Variants in SCN10A observed in about 807,000 individuals in gnomAD.
SCN10A encodes the protein sodium voltage-gated channel alpha subunit 10.
Under a neutral mutation model 170.7 loss-of-function variants are expected in SCN10A, and 162 were observed. The ratio of observed to expected loss-of-function variants is 0.95; its 90% CI spans 0.84 to 1.08. SCN10A has a LOEUF of 1.08. Ranked by LOEUF, SCN10A falls within the 50% of genes least tolerant of loss-of-function variation. The pLI, the probability that SCN10A is intolerant of heterozygous loss-of-function variation, is 0.00. For missense variants in SCN10A, 2,527 were observed against 2,436.9 expected (o/e 1.04, Z -0.78); for synonymous variants, 985 against 904.6 (o/e 1.09, Z -1.59).
intron 5 of SCN10A, among the ~76,000 whole-genome samples, chr3:38,767,884 G>A (rs777474412): frequency 1.3e-5 from 2 of 152,004 alleles, no homozygotes; most frequent in Non-Finnish European, 2.9e-5. Context: ...CATTTCTTAG[G>A]TCTAGTAGTA....
chr3:38,794,612 C>G (rs1479853424), intron 1 of SCN10A, among the ~76,000 whole-genome samples: 1 of 152,148 alleles, frequency 6.6e-6, no homozygotes, highest in Admixed American at 6.5e-5. Flanking sequence ...AACACTTTTC[C>G]CCATAACCAG....
At chr3:38,786,617 T>G (rs1278682769) in intron 4 of SCN10A, among the ~76,000 whole-genome samples, 2 of 152,166 alleles carry the variant, frequency 1.3e-5, no homozygotes, top group African/African-American at 4.8e-5. Context: ...CCCCAGAACT[T>G]AAAGTAAAAT....
chr3:38,756,040 G>T (rs368807551), intron 10 of SCN10A, 82 bp from the exon 11 acceptor site: 1 of 1,469,180 alleles, frequency 6.8e-7, no homozygotes, highest in Non-Finnish European at 9.5e-7. Flanking sequence ...TGGGGTGCCA[G>T]GGGTGAGAGA....
In SCN10A at chr3:38,755,846, T is replaced by C. The variant is rs1415257347; in HGVS notation, c.1403A>G (p.Glu468Gly). The C allele has an allele frequency of 6.2e-7, 1 of 1,614,204 alleles. No homozygotes were observed. The highest frequency in any genetic ancestry group is 8.5e-7 in the Non-Finnish European group (1 of 1,180,038). ...TGATTTGTTGTCTTCTGTGGAGCCC[T>C]CTGACACTCTTGGCTTTATTCTATG... ...RRHRIKPRVS[E>G]GSTEDNKSPR... Residue 468 changes from glutamate (E) to glycine (G), a missense_variant, in exon 11 of 28, where the codon GAG becomes GGG. Physicochemically the swap from Glu to Gly is moderately conservative, Grantham distance 98. Coordinates refer to ENST00000449082, the MANE Select transcript of SCN10A (RefSeq NM_006514.4).
chr3:38,705,471 GT>G, intron 26 of SCN10A, among the ~76,000 whole-genome samples: 2 of 152,268 alleles, frequency 1.3e-5, no homozygotes, highest in East Asian at 3.9e-4. Flanking sequence ...TGGTGATTTT[GT>G]TGCAGGTCTT....
chr3:38,710,725 G>A, intron 24 of SCN10A, 119 bp downstream of exon 24: 1 of 910,876 alleles, frequency 1.1e-6, no homozygotes, highest in South Asian at 1.6e-5. Flanking sequence ...GACAGTGTGA[G>A]GTTGCTGGGT....
intron 1 of SCN10A, among the ~76,000 whole-genome samples, chr3:38,808,819 G>A (rs1293148416): frequency 6.6e-6 from 1 of 152,130 alleles, no homozygotes; most frequent in African/African-American, 2.4e-5. Flanking sequence ...ATGACTGAAG[G>A]GAAACTCAGT....
chr3:38,790,826 T>C (rs915313612), intron 3 of SCN10A, among the ~76,000 whole-genome samples: 1 of 152,130 alleles, frequency 6.6e-6, no homozygotes, highest in Non-Finnish European at 1.5e-5. Flanking sequence ...CTGATGATGG[T>C]ATTGACACTT....
At position 38,752,279 on chromosome 3, in the gene SCN10A, T is replaced by C; in HGVS notation, c.1695A>G (p.Gly565=). 1 of 1,597,774 alleles carries C rather than the reference T, an allele frequency of 6.3e-7. No homozygotes were observed. Among genetic ancestry groups the C allele is most frequent in the Non-Finnish European group, 8.5e-7 (1 of 1,171,950 alleles). ...TGGGCGGCGGTTGGTGTTCATCTTC[T>C]CCATGCCTGGAGTCAGGGTTGCTGG... ...PQPSNPDSRH[G]EDEHQPPPTS... The change falls in exon 12 of 28, where the codon GGA becomes GGG. Residue 565 remains glycine, a synonymous_variant. Coordinates refer to ENST00000449082, the MANE Select transcript of SCN10A (RefSeq NM_006514.4).
intron 15 of SCN10A, among the ~76,000 whole-genome samples, chr3:38,729,409 C>G (rs1292769246): frequency 1.3e-5 from 2 of 152,164 alleles, no homozygotes; most frequent in South Asian, 4.2e-4. Context: ...CTCCCACCAG[C>G]TTTGAAACTG....
chr3:38,811,719 G>A (rs2064442298), intron 1 of SCN10A, among the ~76,000 whole-genome samples: 1 of 152,096 alleles, frequency 6.6e-6, no homozygotes, highest in Admixed American at 6.5e-5. Flanking sequence ...ATCTTGCCTG[G>A]GACTCCAGCT....
At chr3:38,792,230 T>C in intron 2 of SCN10A, 62 bp from the exon 3 acceptor site, 5 of 1,591,754 alleles carry the variant, frequency 3.1e-6, no homozygotes, top group African/African-American at 2.7e-5. Context: ...TATACAACCA[T>C]GTTTTTAAAC....
chr3:38,771,546 G>C (rs1156919973), intron 4 of SCN10A, 139 bp from the exon 5 acceptor site: 4 of 814,042 alleles, frequency 4.9e-6, no homozygotes, highest in South Asian at 3.3e-5. Flanking sequence ...GGTGATGAGG[G>C]GGAAGAAGGT....
chr3:38,706,394 C>A (rs976940597), intron 26 of SCN10A, among the ~76,000 whole-genome samples: 1 of 152,206 alleles, frequency 6.6e-6, no homozygotes, highest in African/African-American at 2.4e-5. Flanking sequence ...TCAGCAATAC[C>A]TGTGATTTTC....
At chr3:38,746,097 A>ATATATATG (rs1559439571) in intron 13 of SCN10A, among the ~76,000 whole-genome samples, 1 of 87,114 alleles carries the variant, frequency 1.1e-5, no homozygotes, top group Non-Finnish European at 2.5e-5. Flanking sequence ...ATATATATAT[A>ATATATATG]TATGCCATCT....
intron 20 of SCN10A, 77 bp downstream of exon 20, chr3:38,722,181 A>G: frequency 7.0e-7 from 1 of 1,419,674 alleles, no homozygotes; most frequent in Non-Finnish European, 9.7e-7. Context: ...GAACCCACTG[A>G]TGCAGCTCCA....
At chr3:38,765,951 T>G (rs932137136) in intron 5 of SCN10A, among the ~76,000 whole-genome samples, 1 of 151,082 alleles carries the variant, frequency 6.6e-6, no homozygotes, top group African/African-American at 2.4e-5. Flanking sequence ...GTTAGGTATA[T>G]TCCTAAGATT....
intron 18 of SCN10A, among the ~76,000 whole-genome samples, chr3:38,723,757 C>CCCGAGACA (rs1178555748): frequency 2.0e-5 from 3 of 152,208 alleles, no homozygotes; most frequent in Non-Finnish European, 2.9e-5. Flanking sequence ...CTGGCAATGG[C>CCCGAGACA]CCGAGACACC....
intron 1 of SCN10A, among the ~76,000 whole-genome samples, chr3:38,804,232 C>A (rs563303435): frequency 1.3e-3 from 198 of 152,206 alleles, no homozygotes; most frequent in Middle Eastern, 6.8e-3. Flanking sequence ...TGTTTTTCAA[C>A]TTGTTCTTTT....
Sources: gnomAD v4.1 joint callset for allele counts (sites outside exome capture counted in the v4.1 genomes callset) on GRCh38, gnomAD v4.1.1 for gene constraint, MANE v1.5 for transcripts, NCBI Gene and HGNC (gene_info 2026-07-23, HGNC 2026-07-21) for gene names.